The following VASH2 variants were observed in gnomAD, a reference collection of about 807,000 sequenced individuals.
VASH2 encodes the protein tubulinyl-Tyr carboxypeptidase 2.
Under a neutral mutation model 37.2 loss-of-function variants are expected in VASH2, and 28 were observed. That is an observed-to-expected ratio of 0.75 (90% CI 0.56 to 1.03). The LOEUF is 1.03. Among genes scored for constraint, VASH2 ranks in the 50% least tolerant of loss-of-function variants. The pLI, the probability that VASH2 is intolerant of heterozygous loss-of-function variation, is 0.00. For synonymous variants in VASH2, 188 were observed against 174.7 expected, an observed-to-expected ratio of 1.08 and a Z score of -0.60; for missense variants, 419 against 459.1, an observed-to-expected ratio of 0.91 and a Z score of 0.80.
At chr1:212,973,517 C>G (rs1463660450) in intron 6 of VASH2, 3 of 1,290,272 alleles carry the variant, frequency 2.3e-6, no homozygotes, top group Non-Finnish European at 3.0e-6. Flanking sequence ...TCTGCAGGAC[C>G]TGGAGTGGAG....
In VASH2 at chr1:212,951,686, G is replaced by C. The variant is rs1339495034; in HGVS notation, c.144G>C (p.Leu48=). 1 of 1,600,226 alleles carries C rather than the reference G, an allele frequency of 6.2e-7. No individual in the cohort carries two copies. Among genetic ancestry groups the C allele is most frequent in the Non-Finnish European group, 8.5e-7 (1 of 1,174,680 alleles). The stretch of plus-strand genomic sequence containing the variant: ...AGGAGGACAAAGACGGCGGGGTGCT[G>C]TTCCACGTCAACAAGAGCGGCTTCC... ...SEEEDKDGGV[L]FHVNKSGFPI... The change falls in exon 2 of 8, where the codon CTG becomes CTC. Residue 48 remains leucine, a synonymous_variant. Transcript: ENST00000517399. This position sits in a 1 kb window ranked among gnomAD's most constrained non-coding sequence, Gnocchi z 4.4.
At chr1:212,961,387 G>A in intron 3 of VASH2, 133 bp downstream of exon 3, 1 of 1,532,954 alleles carries the variant, frequency 6.5e-7, no homozygotes, top group Non-Finnish European at 8.7e-7. Context: ...ATGGAGGGAT[G>A]TCCCGGGTGG....
intron 7 of VASH2, among the ~76,000 whole-genome samples, chr1:212,987,567 T>G (rs1207137603): frequency 6.6e-6 from 1 of 152,134 alleles, no homozygotes; most frequent in East Asian, 1.9e-4. Flanking sequence ...AGGGCGAAAC[T>G]CCGTCTCAAA....
chr1:212,958,512 TG>T (rs1439364171), intron 2 of VASH2, among the ~76,000 whole-genome samples: 1 of 152,188 alleles, frequency 6.6e-6, no homozygotes, highest in East Asian at 1.9e-4. Flanking sequence ...TGGGCTCTGC[TG>T]GGCTTGAGGG....
In VASH2 at chr1:212,988,533, G is replaced by T; in HGVS notation, c.1017G>T (p.Lys339Asn). 1.2e-6 allele frequency: 2 copies of T among 1,614,156 alleles called. No individual in the cohort carries two copies. The highest frequency in any genetic ancestry group is 1.7e-6 in the Non-Finnish European group (2 of 1,180,022). Residue 339 changes from lysine to asparagine, a missense_variant, in exon 8 of 8, where the codon AAG becomes AAT. Lys to Asn is a moderately conservative substitution (Grantham distance 94). Around this residue, in one of 3 missense-constraint regions of VASH2, gnomAD observed 177 missense variants for 166.2 expected, o/e 1.06. Coordinates refer to ENST00000517399, the MANE Select transcript of VASH2 (RefSeq NM_001301056.2). The stretch of plus-strand genomic sequence containing the variant: ...TTAGGCCTGCACTGCCTGAAAAGAA[G>T]GTGGCTGATCTGAGCACTCTGAATG... Reference protein sequence around the residue: ...REKSPALPEKKVADLSTLNEV... With the variant: ...REKSPALPEKNVADLSTLNEV...
intron 7 of VASH2, among the ~76,000 whole-genome samples, chr1:212,986,562 C>A (rs952054320): frequency 6.6e-6 from 1 of 152,206 alleles, no homozygotes; most frequent in Non-Finnish European, 1.5e-5. Context: ...AATCCCCAAG[C>A]AAACATGTGT....
intron 3 of VASH2, 147 bp from the exon 4 acceptor site, chr1:212,965,574 CT>C: frequency 1.6e-6 from 1 of 616,514 alleles, no homozygotes; most frequent in African/African-American, 1.9e-5. Context: ...GAGTTAGAGG[CT>C]ACTACTAGCT....
At chr1:212,976,626 C>T (rs1444057483) in intron 7 of VASH2, among the ~76,000 whole-genome samples, 1 of 151,746 alleles carries the variant, frequency 6.6e-6, no homozygotes, top group Admixed American at 6.6e-5. Flanking sequence ...AGAGCCAGAA[C>T]AGAAGATGGA....
At chr1:212,986,251 C>A (rs963275015) in intron 7 of VASH2, among the ~76,000 whole-genome samples, 20 of 152,150 alleles carry the variant, frequency 1.3e-4, no homozygotes, top group African/African-American at 3.4e-4. Flanking sequence ...ATCCTGCAGG[C>A]AAATTGAATT....
rs1418958220 is a variant in VASH2 at position 212,990,945 on chromosome 1, G to A, written c.*2361G>A. On this transcript the variant is annotated 3_prime_UTR_variant, in exon 8 of 8. Coordinates refer to ENST00000517399, the MANE Select transcript of VASH2 (RefSeq NM_001301056.2). The stretch of plus-strand genomic sequence containing the variant: ...AAACAAAACAAAAAACATGTTATAT[G>A]CACCCCCCTCCCAAAGCTGATTTTA... 6.6e-6 allele frequency: 1 copy of A among 152,052 alleles called. No individual in the cohort carries two copies. Among genetic ancestry groups the A allele is most frequent in the Non-Finnish European group, 1.5e-5 (1 of 68,022 alleles). The allele number at this position is 152,052 out of a possible 1,614,324, so 9.4% of individuals were successfully genotyped here.
chr1:212,983,743 G>C (rs1260617603), intron 7 of VASH2, among the ~76,000 whole-genome samples: 2 of 152,208 alleles, frequency 1.3e-5, no homozygotes, highest in Admixed American at 1.3e-4. Context: ...GGAGATGTTG[G>C]GGAGAGCATT....
In VASH2 at chr1:212,988,442, C is replaced by T. The variant is rs1344283392; in HGVS notation, c.996-70C>T. The T allele has an allele frequency of 3.9e-6, 6 of 1,523,524 alleles. No individual in the cohort carries two copies. In the African/African-American group the frequency reaches 6.9e-5, roughly 17 times the overall value. The allele number at this position is 1,523,524 out of a possible 1,614,324, so 94.4% of individuals were successfully genotyped here. On this transcript the variant is annotated intron_variant, in intron 7 of 7. Coordinates refer to ENST00000517399, the MANE Select transcript of VASH2 (RefSeq NM_001301056.2). Reference sequence around the variant, plus strand: ...GGATTAGGAAAACCGAGTAGAGGACCTTGAAAATGCTGTTGTCTTTCTTTG... The same window carrying T: ...GGATTAGGAAAACCGAGTAGAGGACTTTGAAAATGCTGTTGTCTTTCTTTG...
intron 7 of VASH2, among the ~76,000 whole-genome samples, chr1:212,976,198 G>C (rs1486631361): frequency 2.0e-5 from 3 of 152,154 alleles, no homozygotes; most frequent in African/African-American, 7.2e-5. Flanking sequence ...GTTTGAGGAA[G>C]CTGGGGGATA....
intron 7 of VASH2, among the ~76,000 whole-genome samples, chr1:212,983,134 G>T (rs1225025671): frequency 1.3e-5 from 2 of 152,128 alleles, no homozygotes; most frequent in Non-Finnish European, 2.9e-5. Flanking sequence ...TTCCACAGTG[G>T]GATTCATAGA....
chr1:212,986,378 A>G (rs1667479163), intron 7 of VASH2, among the ~76,000 whole-genome samples: 1 of 152,176 alleles, frequency 6.6e-6, no homozygotes, highest in African/African-American at 2.4e-5. Flanking sequence ...GAAAGTCTCA[A>G]ATTAGCTATT....
At chr1:212,952,210 G>A (rs947944687) in intron 2 of VASH2, among the ~76,000 whole-genome samples, 3 of 152,200 alleles carry the variant, frequency 2.0e-5, no homozygotes, top group Non-Finnish European at 4.4e-5. Flanking sequence ...TCTCTTTGGA[G>A]TGTCTTGCTC....
chr1:212,952,177 C>T (rs1666334953), intron 2 of VASH2, among the ~76,000 whole-genome samples: 1 of 152,142 alleles, frequency 6.6e-6, no homozygotes, highest in Non-Finnish European at 1.5e-5. Context: ...ATGCACAGAC[C>T]CCAGGGATCC....
Position 212,965,731 on chromosome 1 carries a change from C to T in VASH2, c.375C>T (p.His125=), listed in dbSNP as rs1011494563. ...QNYMKTLQYN[H]TGTQFFEIRK... ...TACATACTTTACACAGATATAATCA[C>T]ACAGGGACCCAGTTCTTTGAAATTA... is the stretch of plus-strand genomic sequence containing the variant. The change falls in exon 4 of 8, where the codon CAC becomes CAT. Residue 125 remains histidine (H), a synonymous_variant. Transcript: ENST00000517399. 13 of 1,552,028 alleles carry T rather than the reference C, an allele frequency of 8.4e-6. No individual in the cohort carries two copies. The highest frequency in any genetic ancestry group is 9.6e-6 in the Non-Finnish European group (11 of 1,146,954).
chr1:212,954,010 G>A lies in VASH2; in HGVS notation c.276+2192G>A, dbSNP rs144823854. The stretch of plus-strand genomic sequence containing the variant: ...GGCAGCCTCAACCTCCCAGGCTCAA[G>A]CAATCCTCCCACCTCAGCCTCCTGA... On this transcript the variant is annotated intron_variant, in intron 2 of 7. Coordinates refer to ENST00000517399, the MANE Select transcript of VASH2 (RefSeq NM_001301056.2). 3.4e-3 allele frequency among the ~76,000 whole-genome samples: 523 copies of A among 151,924 alleles called. 1 individual carries two copies. Among genetic ancestry groups the A allele is most frequent in the African/African-American group, 0.012 (492 of 41,438 alleles).
Sources: allele counts gnomAD v4.1 joint callset (sites outside exome capture counted in the v4.1 genomes callset), GRCh38; gene constraint gnomAD v4.1.1; regional missense constraint gnomAD v4.1.1; non-coding constraint Gnocchi (gnomAD v3.1); transcripts MANE v1.5; gene names NCBI Gene and HGNC (gene_info 2026-07-23, HGNC 2026-07-21).